The following SLC25A48 variants were observed in gnomAD, a reference collection of about 807,000 sequenced individuals.
SLC25A48 encodes the protein CTC-321K16.1.
In SLC25A48, 29 loss-of-function variants were observed where a neutral mutation model predicts 32.2. The observed-to-expected ratio is 0.90, with a 90% CI of 0.67 to 1.23. SLC25A48 has a LOEUF of 1.23. Ranked by LOEUF, SLC25A48 falls within the 50% of genes most tolerant of loss-of-function variation. The pLI is 0.00. For missense variants in SLC25A48, 399 were observed against 422.7 expected (o/e 0.94, Z 0.49); for synonymous variants, 164 against 172.3 (o/e 0.95, Z 0.38).
At chr5:135,613,805 T>C (rs1752127420) in intron 1 of SLC25A48, among the ~76,000 whole-genome samples, 1 of 152,254 alleles carries the variant, frequency 6.6e-6, no homozygotes, top group Non-Finnish European at 1.5e-5. Context: ...TCTATGTGTC[T>C]GTTTTTACAC....
intron 3 of SLC25A48, among the ~76,000 whole-genome samples, chr5:135,804,510 C>CT (rs1757418681): frequency 6.6e-6 from 1 of 151,158 alleles, no homozygotes; most frequent in Non-Finnish European, 1.5e-5. Context: ...GGGTGTACAC[C>CT]CTGTGTGTGC....
chr5:135,610,151 A>T (rs1752032151), intron 1 of SLC25A48, among the ~76,000 whole-genome samples: 1 of 152,134 alleles, frequency 6.6e-6, no homozygotes, highest in Non-Finnish European at 1.5e-5. Flanking sequence ...CAGCATGGAG[A>T]GCCCAGGAAA....
At chr5:135,774,415 C>G (rs1756495563) in intron 3 of SLC25A48, among the ~76,000 whole-genome samples, 1 of 151,746 alleles carries the variant, frequency 6.6e-6, no homozygotes, top group Non-Finnish European at 1.5e-5. Flanking sequence ...CTATTACTCC[C>G]AATATCGCAG....
intron 6 of SLC25A48, chr5:135,876,125 C>CTTGTTTTTTTTTTTTTTTTTTT (rs1762015222): frequency 1.3e-5 from 1 of 74,758 alleles, no homozygotes; most frequent in African/African-American, 6.3e-5. Context: ...TCTTTTTTTT[C>CTTGTTTTTTTTTTTTTTTTTTT]TTCTTCTTTT....
At chr5:135,722,905 A>C (rs1027035546) in intron 3 of SLC25A48, among the ~76,000 whole-genome samples, 2 of 152,250 alleles carry the variant, frequency 1.3e-5, no homozygotes, top group Admixed American at 1.3e-4. Context: ...GGCAGAGTCC[A>C]TAGGCCATCT....
intron 3 of SLC25A48, among the ~76,000 whole-genome samples, chr5:135,788,619 A>T (rs775705877): frequency 1.5e-4 from 22 of 146,318 alleles, no homozygotes; most frequent in Non-Finnish European, 3.2e-4. Context: ...TATCCAGGGC[A>T]GGGAGAGGGT....
At chr5:135,596,994 GA>G (rs1273041306) in intron 1 of SLC25A48, among the ~76,000 whole-genome samples, 4 of 152,056 alleles carry the variant, frequency 2.6e-5, no homozygotes, top group African/African-American at 2.4e-5. Context: ...GTCGTCTTTT[GA>G]AAAAAGAGCC....
intron 4 of SLC25A48, chr5:135,826,611 T>C (rs529603063): frequency 2.2e-4 from 34 of 152,334 alleles, no homozygotes; most frequent in African/African-American, 7.0e-4. Context: ...GCAGCTTCCA[T>C]TTATTAAGCA....
intron 3 of SLC25A48, among the ~76,000 whole-genome samples, chr5:135,758,078 AAC>A (rs559412370): frequency 1.2e-3 from 179 of 150,878 alleles, no homozygotes; most frequent in South Asian, 4.9e-3. Flanking sequence ...CTCTAGTGTT[AAC>A]ACACGATGAT....
chr5:135,721,314 G>C (rs986307038), intron 3 of SLC25A48, among the ~76,000 whole-genome samples: 1 of 147,262 alleles, frequency 6.8e-6, no homozygotes, highest in Non-Finnish European at 1.5e-5. Context: ...CAATTCTCCT[G>C]CCTCAGCCTC....
rs558606494 is a variant in SLC25A48 at position 135,719,938 on chromosome 5, A to G, written c.-521+84982A>G. Among the ~76,000 whole-genome samples, 5 of 152,328 alleles carry G rather than the reference A, an allele frequency of 3.3e-5. No homozygotes were observed. The East Asian group carries it at 9.6e-4, about 29-fold the overall frequency. ...GGCACTGTCTACCTGCGGGCAGGGC[A>G]TGGCTGCAGTCCACCCAGCAAGGCT... is the stretch of plus-strand genomic sequence containing the variant. On this transcript the variant is annotated intron_variant, in intron 3 of 10. Coordinates refer to the SLC25A48 transcript ENST00000646290.
chr5:135,644,061 A>G (rs1752902256), intron 3 of SLC25A48, among the ~76,000 whole-genome samples: 1 of 152,182 alleles, frequency 6.6e-6, no homozygotes, highest in East Asian at 1.9e-4. Flanking sequence ...TTGATGTTAC[A>G]CACTGTGCTA....
chr5:135,728,173 T>C (rs1249729464), intron 3 of SLC25A48, among the ~76,000 whole-genome samples: 1 of 149,158 alleles, frequency 6.7e-6, no homozygotes, highest in Non-Finnish European at 1.5e-5. Context: ...CGAGAATAAG[T>C]GGAACCCAGG....
At chr5:135,662,951 C>T (rs571013594) in intron 3 of SLC25A48, among the ~76,000 whole-genome samples, 10 of 152,258 alleles carry the variant, frequency 6.6e-5, no homozygotes, top group East Asian at 1.9e-4. Context: ...CCACTGCCTT[C>T]GGAGCAATTC....
intron 3 of SLC25A48, chr5:135,812,385 G>C (rs1192828714): frequency 6.6e-6 from 1 of 152,140 alleles, no homozygotes; most frequent in Non-Finnish European, 1.5e-5. Flanking sequence ...TCACCCTGCT[G>C]TGCTTAAGGT....
intron 3 of SLC25A48, among the ~76,000 whole-genome samples, chr5:135,766,299 T>C (rs1173395319): frequency 6.6e-6 from 1 of 151,528 alleles, no homozygotes; most frequent in African/African-American, 2.4e-5. Context: ...AAGGATGATA[T>C]TAATCTTCAT....
intron 3 of SLC25A48, among the ~76,000 whole-genome samples, chr5:135,737,159 T>A (rs1226542910): frequency 6.6e-6 from 1 of 152,124 alleles, no homozygotes; most frequent in African/African-American, 2.4e-5. Context: ...TATTTCACCT[T>A]GGTGCAGGCA....
intron 1 of SLC25A48, among the ~76,000 whole-genome samples, chr5:135,580,639 G>A (rs756822745): frequency 3.3e-5 from 5 of 152,118 alleles, no homozygotes; most frequent in Non-Finnish European, 5.9e-5. Flanking sequence ...ATGAGTATGA[G>A]GGAGTGACTT....
chr5:135,746,961 G>C (rs181942326), intron 3 of SLC25A48, among the ~76,000 whole-genome samples: 19 of 150,232 alleles, frequency 1.3e-4, no homozygotes, highest in Non-Finnish European at 2.4e-4. Flanking sequence ...CCTCACTCTT[G>C]CCCCGTCATT....
Sources: gnomAD v4.1 joint callset for allele counts (sites outside exome capture counted in the v4.1 genomes callset) on GRCh38, gnomAD v4.1.1 for gene constraint, MANE v1.5 for transcripts, NCBI Gene and HGNC (gene_info 2026-07-23, HGNC 2026-07-21) for gene names.